Variants in PTPRD observed in about 807,000 individuals in gnomAD.
PTPRD encodes the protein protein tyrosine phosphatase receptor type D, also known as receptor-type tyrosine-protein phosphatase delta.
Under a neutral mutation model 214.5 loss-of-function variants are expected in PTPRD, and 34 were observed. The ratio of observed to expected loss-of-function variants is 0.16; its 90% CI spans 0.12 to 0.21. The LOEUF (loss-of-function observed/expected upper bound fraction) is 0.21. Among genes scored for constraint, PTPRD ranks in the 10% least tolerant of loss-of-function variants. The pLI is 1.00. For synonymous variants in PTPRD, 1,128 were observed against 845.7 expected (o/e 1.33, Z -5.79); for missense variants, 2,545 against 2,398.7 (o/e 1.06, Z -1.27).
intron 9 of PTPRD, among the ~76,000 whole-genome samples, chr9:9,195,458 C>T (rs189121826): frequency 6.6e-6 from 1 of 152,086 alleles, no homozygotes; most frequent in Admixed American, 6.6e-5. Flanking sequence ...CCGTAGTAAG[C>T]CAATGGGAAG....
chr9:9,821,621 T>A (rs985127750), intron 5 of PTPRD, among the ~76,000 whole-genome samples: 2 of 152,152 alleles, frequency 1.3e-5, no homozygotes, highest in African/African-American at 4.8e-5. Context: ...TTTCTTCCTA[T>A]GCATAAAAAT....
chr9:10,136,574 TTA>T (rs1213435559), intron 3 of PTPRD, among the ~76,000 whole-genome samples: 4 of 86,416 alleles, frequency 4.6e-5, no homozygotes, highest in East Asian at 7.7e-4. Context: ...GATTTAAACG[TTA>T]AACCTAAAAC....
At chr9:9,480,301 G>A (rs757919034) in intron 8 of PTPRD, among the ~76,000 whole-genome samples, 5 of 151,998 alleles carry the variant, frequency 3.3e-5, no homozygotes, top group African/African-American at 7.2e-5. Context: ...AGTTAAGTTC[G>A]GCTTGAGACA....
intron 6 of PTPRD, among the ~76,000 whole-genome samples, chr9:9,765,030 AAC>A (rs752496000): frequency 1.4e-4 from 22 of 152,174 alleles, no homozygotes; most frequent in Non-Finnish European, 1.6e-4. Flanking sequence ...GCCTTGACAC[AAC>A]AGAGATTTGT....
At chr9:8,482,942 C>T (rs532487518) in intron 30 of PTPRD, among the ~76,000 whole-genome samples, 4 of 152,348 alleles carry the variant, frequency 2.6e-5, no homozygotes, top group South Asian at 4.1e-4. Context: ...GAATTAGCTG[C>T]TCTTAAGATA....
At chr9:9,955,521 G>GTTTTTTTTTT (rs1194987444) in intron 4 of PTPRD, among the ~76,000 whole-genome samples, 1 of 145,546 alleles carries the variant, frequency 6.9e-6, no homozygotes, top group African/African-American at 2.6e-5. Flanking sequence ...GTTTTGTTTT[G>GTTTTTTTTTT]TTTTGTTTTT....
chr9:8,428,930 T>C (rs187178806), intron 35 of PTPRD, among the ~76,000 whole-genome samples: 13 of 152,298 alleles, frequency 8.5e-5, no homozygotes, highest in African/African-American at 2.4e-4. Context: ...CAAGGGAAAA[T>C]AGAAATGTTT....
At chr9:8,770,342 A>AT (rs2095108785) in intron 11 of PTPRD, among the ~76,000 whole-genome samples, 1 of 147,798 alleles carries the variant, frequency 6.8e-6, no homozygotes, top group Admixed American at 6.9e-5. Flanking sequence ...TGATAGTGTA[A>AT]TAAAAAAAAA....
chr9:9,291,508 C>A (rs553323993), intron 9 of PTPRD, among the ~76,000 whole-genome samples: 5 of 151,426 alleles, frequency 3.3e-5, no homozygotes, highest in Non-Finnish European at 1.5e-5. Context: ...TTTTAACTTA[C>A]CAATAACATA....
Position 8,618,236 on chromosome 9 carries a change from A to C in PTPRD, c.352+15081T>G, listed in dbSNP as rs146788259. On this transcript the variant is annotated intron_variant, in intron 14 of 45. Transcript: ENST00000381196. ...CTGCACGAGTTTGGGGCCATAGAAA[A>C]AGGAATATTTTCCTATATTTGTAAG... 5.7e-4 allele frequency among the ~76,000 whole-genome samples: 86 copies of C among 152,192 alleles called. No individual in the cohort carries two copies. The East Asian group carries it at 0.016, about 28-fold the overall frequency.
intron 9 of PTPRD, among the ~76,000 whole-genome samples, chr9:9,370,887 T>C (rs2059302854): frequency 2.0e-5 from 3 of 152,150 alleles, no homozygotes; most frequent in Admixed American, 6.6e-5. Flanking sequence ...TTTTTGTCTT[T>C]GGTTCTGTTT....
At chr9:8,489,471 G>A (rs1409182337) in intron 27 of PTPRD, among the ~76,000 whole-genome samples, 3 of 152,150 alleles carry the variant, frequency 2.0e-5, no homozygotes, top group Non-Finnish European at 4.4e-5. Flanking sequence ...TGAAAACTAT[G>A]AGACAACCAG....
intron 2 of PTPRD, among the ~76,000 whole-genome samples, chr9:10,419,334 T>C (rs947340220): frequency 6.6e-6 from 1 of 151,894 alleles, no homozygotes. Flanking sequence ...TGGTCGCTTC[T>C]CTCCTAACAT....
intron 14 of PTPRD, among the ~76,000 whole-genome samples, chr9:8,581,937 AAAAAAGAGGG>A (rs2093179729): frequency 6.9e-6 from 1 of 144,556 alleles, no homozygotes; most frequent in Admixed American, 6.8e-5. Flanking sequence ...AAAAAAAAAA[AAAAAAGAGGG>A]AAAAAAAGGA....
chr9:10,115,915 A>T (rs2098727222), intron 3 of PTPRD, among the ~76,000 whole-genome samples: 1 of 152,118 alleles, frequency 6.6e-6, no homozygotes, highest in African/African-American at 2.4e-5. Context: ...CTCTTTTGGC[A>T]TGTATGACTT....
intron 7 of PTPRD, among the ~76,000 whole-genome samples, chr9:9,682,129 G>C (rs2097086784): frequency 6.6e-6 from 1 of 151,660 alleles, no homozygotes; most frequent in African/African-American, 2.4e-5. Flanking sequence ...ACACAAACCT[G>C]GCACTAATCT....
intron 9 of PTPRD, among the ~76,000 whole-genome samples, chr9:9,390,315 T>C (rs1290124560): frequency 1.3e-5 from 2 of 152,152 alleles, no homozygotes; most frequent in African/African-American, 2.4e-5. Context: ...TTGGAGAGTT[T>C]TGAGCAAAGA....
At chr9:8,383,868 G>A (rs995119194) in intron 37 of PTPRD, among the ~76,000 whole-genome samples, 1 of 152,202 alleles carries the variant, frequency 6.6e-6, no homozygotes, top group Non-Finnish European at 1.5e-5. Flanking sequence ...GTGAGGTGAA[G>A]TAAAAGTCAG....
At chr9:10,372,111 G>C (rs1429384205) in intron 2 of PTPRD, among the ~76,000 whole-genome samples, 1 of 151,988 alleles carries the variant, frequency 6.6e-6, no homozygotes, top group Non-Finnish European at 1.5e-5. Flanking sequence ...AAAATAGAAA[G>C]AAAGAAGGAG....
Sources: allele counts gnomAD v4.1 joint callset (sites outside exome capture counted in the v4.1 genomes callset), GRCh38; gene constraint gnomAD v4.1.1; transcripts MANE v1.5; gene names NCBI Gene and HGNC (gene_info 2026-07-23, HGNC 2026-07-21).